SMIM31: variants seen among roughly 807,000 people sequenced by gnomAD.
SMIM31 encodes the protein human epithelial cell program regulator.
chr4:164,777,371 T>C (rs1732891228), intron 2 of SMIM31, among the ~76,000 whole-genome samples: 1 of 152,232 alleles, frequency 6.6e-6, no homozygotes, highest in Non-Finnish European at 1.5e-5. Flanking sequence ...TTATATAGAA[T>C]CATTTTGCAC....
At chr4:164,779,317 A>G (rs1034150128) in intron 2 of SMIM31, among the ~76,000 whole-genome samples, 1 of 152,196 alleles carries the variant, frequency 6.6e-6, no homozygotes. Context: ...TGCGGGTGCC[A>G]AAGGCCACAG....
At chr4:164,781,186 A>G (rs1490683087) in intron 2 of SMIM31, among the ~76,000 whole-genome samples, 2 of 152,040 alleles carry the variant, frequency 1.3e-5, no homozygotes, top group African/African-American at 2.4e-5. Flanking sequence ...GAAGATGAAG[A>G]ACTACTGGAA....
Position 164,802,643 on chromosome 4 carries a change from A to G in SMIM31, c.*1449A>G, listed in dbSNP as rs1434052032. On this transcript the variant is annotated 3_prime_UTR_variant, in exon 3 of 3. Transcript: ENST00000507311. ...AACCAAAGATACCTACCTGCATCTCATAAGAATCATAGCTCAGGTCTCCAT... is the reference window on the plus strand; with the variant it reads ...AACCAAAGATACCTACCTGCATCTCGTAAGAATCATAGCTCAGGTCTCCAT... 6.6e-6 allele frequency: 1 copy of G among 152,270 alleles called. No homozygotes were observed. Among genetic ancestry groups the G allele is most frequent in the Non-Finnish European group, 1.5e-5 (1 of 68,068 alleles). 9.4% of individuals were successfully genotyped at this position (152,270 alleles called of 1,614,324 possible). A position where few individuals can be genotyped will look rare whatever the true frequency, so the allele number is the denominator to read the frequency against.
intron 1 of SMIM31, among the ~76,000 whole-genome samples, chr4:164,768,989 C>T (rs552287770): frequency 1.3e-5 from 2 of 152,270 alleles, no homozygotes; most frequent in African/African-American, 4.8e-5. Flanking sequence ...ATTCTGGGAG[C>T]CTCTTTTTCC....
chr4:164,789,299 A>G (rs146783722), intron 2 of SMIM31, among the ~76,000 whole-genome samples: 95 of 152,338 alleles, frequency 6.2e-4, no homozygotes, highest in African/African-American at 2.0e-3. Flanking sequence ...AGGCCAGCAG[A>G]GGTACAAATG....
intron 2 of SMIM31, among the ~76,000 whole-genome samples, chr4:164,799,296 G>T (rs543410251): frequency 5.3e-5 from 8 of 151,900 alleles, no homozygotes; most frequent in Admixed American, 2.6e-4. Context: ...GAGGTGGGAG[G>T]ATCGCTTGAG....
chr4:164,778,065 T>C (rs1404452760), intron 2 of SMIM31, among the ~76,000 whole-genome samples: 2 of 152,182 alleles, frequency 1.3e-5, no homozygotes, highest in East Asian at 1.9e-4. Context: ...TACCGTTTTT[T>C]CAAAGCTGGC....
At chr4:164,776,426 G>A (rs1732880772) in intron 2 of SMIM31, among the ~76,000 whole-genome samples, 1 of 152,164 alleles carries the variant, frequency 6.6e-6, no homozygotes, top group Admixed American at 6.5e-5. Flanking sequence ...GGGCACAGAT[G>A]AAAAATTAGC....
In SMIM31 at chr4:164,775,320, G is replaced by C. The variant is rs148669091; in HGVS notation, c.112+4765G>C. Among the ~76,000 whole-genome samples the C allele has an allele frequency of 2.5e-3, 374 of 152,254 alleles. 4 individuals are homozygous for C. Among genetic ancestry groups the C allele is most frequent in the African/African-American group, 8.4e-3 (347 of 41,548 alleles). On this transcript the variant is annotated intron_variant, in intron 2 of 2. Coordinates refer to ENST00000507311, the MANE Select transcript of SMIM31 (RefSeq NM_001352885.1). ...CTTTCCTCTTTTGCCTGAAGCTGCAGACAAGAACAGACACAGACCTTTCAA... is the reference window on the plus strand; with the variant it reads ...CTTTCCTCTTTTGCCTGAAGCTGCACACAAGAACAGACACAGACCTTTCAA...
intron 2 of SMIM31, among the ~76,000 whole-genome samples, chr4:164,791,527 G>T (rs7681864): frequency 0.73 from 110,494 of 151,798 alleles, 40,715 homozygotes; most frequent in Non-Finnish European, 0.8. Context: ...TGGAGATGGG[G>T]TTTTCACTAC....
chr4:164,764,234 C>T (rs1732688948), intron 1 of SMIM31, among the ~76,000 whole-genome samples: 1 of 151,938 alleles, frequency 6.6e-6, no homozygotes, highest in South Asian at 2.1e-4. Flanking sequence ...TAAATGAGGC[C>T]TGACCGGCAA....
chr4:164,795,558 CAAAAAAAAA>C (rs60083689), intron 2 of SMIM31, among the ~76,000 whole-genome samples: 4 of 76,956 alleles, frequency 5.2e-5, no homozygotes, highest in East Asian at 4.7e-4. Flanking sequence ...TACTCCATCT[CAAAAAAAAA>C]AAAAAAAAAA....
At chr4:164,759,354 G>A (rs935288054) in intron 1 of SMIM31, among the ~76,000 whole-genome samples, 2 of 152,056 alleles carry the variant, frequency 1.3e-5, no homozygotes, top group Non-Finnish European at 2.9e-5. Context: ...TGGAAAAGGA[G>A]ACTGCTAATA....
At chr4:164,788,144 C>T (rs183505814) in intron 2 of SMIM31, among the ~76,000 whole-genome samples, 1 of 152,240 alleles carries the variant, frequency 6.6e-6, no homozygotes, top group Non-Finnish European at 1.5e-5. Context: ...CCATTGAACC[C>T]ACTGGTCCCT....
At chr4:164,788,933 G>A (rs1027880352) in intron 2 of SMIM31, among the ~76,000 whole-genome samples, 2 of 151,912 alleles carry the variant, frequency 1.3e-5, no homozygotes, top group Non-Finnish European at 2.9e-5. Context: ...TATCACTCCC[G>A]AAAGAAAAAT....
chr4:164,782,952 G>T (rs112724517), intron 2 of SMIM31, among the ~76,000 whole-genome samples: 17,859 of 152,064 alleles, frequency 0.12, 1,124 homozygotes, highest in Non-Finnish European at 0.14. Context: ...AGGTGTGGTG[G>T]CTCACACATG....
intron 2 of SMIM31, among the ~76,000 whole-genome samples, chr4:164,789,406 A>T (rs73003153): frequency 0.18 from 27,395 of 152,226 alleles, 2,656 homozygotes; most frequent in African/African-American, 0.26. Context: ...TGAATTAAGG[A>T]ATAACTTAAG....
intron 1 of SMIM31, among the ~76,000 whole-genome samples, chr4:164,754,992 G>A (rs901831313): frequency 6.7e-6 from 1 of 148,752 alleles, no homozygotes; most frequent in African/African-American, 2.5e-5. Context: ...ATACTCAGGA[G>A]GAAATACTGT....
chr4:164,801,649 A>G lies in SMIM31; in HGVS notation c.*455A>G, dbSNP rs1733285887. ...AACTGTGTTATTGCTTCCGTATCTGAAATAGGTGAAAGAGGGAAAAAACAC... is the reference window on the plus strand; with the variant it reads ...AACTGTGTTATTGCTTCCGTATCTGGAATAGGTGAAAGAGGGAAAAAACAC... On this transcript the variant is annotated 3_prime_UTR_variant, in exon 3 of 3. Transcript: ENST00000507311. 1 of 152,408 alleles carries G rather than the reference A, an allele frequency of 6.6e-6. No homozygotes were observed. Among genetic ancestry groups the G allele is most frequent in the South Asian group, 2.1e-4 (1 of 4,834 alleles). The allele number at this position is 152,408 out of a possible 1,614,324, so 9.4% of individuals were successfully genotyped here.
Sources: allele counts gnomAD v4.1 joint callset (sites outside exome capture counted in the v4.1 genomes callset), GRCh38; gene constraint gnomAD v4.1.1; transcripts MANE v1.5; gene names NCBI Gene and HGNC (gene_info 2026-07-23, HGNC 2026-07-21).